Variants in CSMD2 observed in about 807,000 individuals in gnomAD.
The protein encoded by CSMD2 is CUB and sushi domain-containing protein 2.
Under a neutral mutation model 398.5 loss-of-function variants are expected in CSMD2, and 130 were observed. The observed-to-expected ratio is 0.33, with a 90% CI of 0.28 to 0.38. CSMD2 has a LOEUF of 0.38. Ranked by LOEUF, CSMD2 falls within the 10% of genes least tolerant of loss-of-function variation. The pLI, the probability that CSMD2 is intolerant of heterozygous loss-of-function variation, is 1.00. For synonymous variants in CSMD2, 1,828 were observed against 1,908.5 expected, an observed-to-expected ratio of 0.96 and a Z score of 1.10; for missense variants, 3,829 against 4,764.9, an observed-to-expected ratio of 0.80 and a Z score of 5.78.
intron 1 of CSMD2, among the ~76,000 whole-genome samples, chr1:34,117,395 A>G (rs1661714098): frequency 6.6e-6 from 1 of 152,128 alleles, no homozygotes; most frequent in Admixed American, 6.5e-5. Flanking sequence ...ATAACCTACC[A>G]AGACTGAATC....
At chr1:33,943,533 G>C (rs1236052773) in intron 3 of CSMD2, among the ~76,000 whole-genome samples, 1 of 152,186 alleles carries the variant, frequency 6.6e-6, no homozygotes, top group Non-Finnish European at 1.5e-5. Context: ...AAATAGGCAG[G>C]CTCCCTCTGT....
intron 3 of CSMD2, among the ~76,000 whole-genome samples, chr1:33,994,030 C>T (rs1436831925): frequency 3.3e-5 from 5 of 152,052 alleles, no homozygotes; most frequent in African/African-American, 1.2e-4. Context: ...GGCTTTTGCC[C>T]ATGGGTGGAG....
intron 3 of CSMD2, among the ~76,000 whole-genome samples, chr1:33,992,683 A>G (rs1193096001): frequency 1.3e-5 from 2 of 151,416 alleles, no homozygotes; most frequent in Admixed American, 6.6e-5. Context: ...CCTGGCTAGC[A>G]TGGTGAAACC....
rs556306141 is a variant in CSMD2 at position 33,834,170 on chromosome 1, C to G, written c.1034-8396G>C. On this transcript the variant is annotated intron_variant, in intron 6 of 70. Coordinates refer to ENST00000373381, the MANE Select transcript of CSMD2 (RefSeq NM_001281956.2). ...AACTACTTTAAAGTTCATATGGAAC[C>G]AAAAAAGAGCCCGCATCGCCAAATC... 9.8e-3 allele frequency among the ~76,000 whole-genome samples: 930 copies of G among 94,642 alleles called. 115 individuals are homozygous for G. The highest frequency in any genetic ancestry group is 0.048 in the African/African-American group (859 of 17,722). The allele number at this position is 94,642 out of a possible 152,430, so 62.1% of individuals were successfully genotyped here.
chr1:33,544,273 AT>A (rs34986232), intron 57 of CSMD2, among the ~76,000 whole-genome samples: 25,895 of 136,862 alleles, frequency 0.19, 2,399 homozygotes, highest in East Asian at 0.34. Context: ...CGACCGGCTA[AT>A]TTTTTTTTTT....
chr1:33,724,475 A>T (rs754069695), intron 18 of CSMD2, 41 bp downstream of exon 18: 1 of 1,594,370 alleles, frequency 6.3e-7, no homozygotes, highest in Non-Finnish European at 8.6e-7. Context: ...GTGGCAGGAG[A>T]GGAGTCTGCT....
chr1:33,952,700 ACATG>A (rs1558152379), intron 3 of CSMD2, among the ~76,000 whole-genome samples: 11 of 138,048 alleles, frequency 8.0e-5, no homozygotes, highest in African/African-American at 3.9e-4. Flanking sequence ...ACACACACAC[ACATG>A]CACACACACA....
rs544963998 is a variant in CSMD2 at position 33,533,088 on chromosome 1, G to T, written c.10133C>A (p.Ala3378Glu). The T allele has an allele frequency of 6.2e-7, 1 of 1,613,462 alleles. No individual in the cohort carries two copies. Among genetic ancestry groups the T allele is most frequent in the Admixed American group, 1.7e-5 (1 of 60,002 alleles). ...KGGSEHRTCK[A>E]DGSWTGKPPI... ...CGGCTTGCCTGTCCAGCTGCCATCC[G>T]CCTTGCAGGTGCGGTGCTCGGAGCC... Residue 3378 changes from alanine to glutamate, a missense_variant, in exon 64 of 71, where the codon GCG (alanine) becomes GAG (glutamate). By Grantham distance (107) the Ala-to-Glu change is moderately radical (BLOSUM62 -1). Coordinates refer to ENST00000373381, the MANE Select transcript of CSMD2 (RefSeq NM_001281956.2). This position sits in a 1 kb window ranked among gnomAD's most constrained non-coding sequence, Gnocchi z 4.2.
chr1:33,893,045 A>G (rs1288339156), intron 5 of CSMD2, among the ~76,000 whole-genome samples: 4 of 152,240 alleles, frequency 2.6e-5, no homozygotes, highest in African/African-American at 9.6e-5. Context: ...GTATCTGTAT[A>G]ATAAATTGAT....
At chr1:33,769,537 A>G (rs1650987254) in intron 13 of CSMD2, among the ~76,000 whole-genome samples, 1 of 152,184 alleles carries the variant, frequency 6.6e-6, no homozygotes, top group South Asian at 2.1e-4. Flanking sequence ...ACCTAAATTA[A>G]AAAAAGACTA....
intron 3 of CSMD2, among the ~76,000 whole-genome samples, chr1:33,990,133 A>T (rs1399911300): frequency 6.6e-6 from 1 of 152,012 alleles, no homozygotes; most frequent in Admixed American, 6.6e-5. Context: ...TTAGCCTGGC[A>T]TGGTGGCCTG....
At chr1:34,055,154 A>G (rs2148238620) in intron 2 of CSMD2, among the ~76,000 whole-genome samples, 1 of 152,200 alleles carries the variant, frequency 6.6e-6, no homozygotes, top group East Asian at 1.9e-4. Flanking sequence ...CCAAACAACA[A>G]TAACAATAAA....
chr1:33,807,526 G>A (rs1026121740), intron 10 of CSMD2, among the ~76,000 whole-genome samples: 1 of 152,154 alleles, frequency 6.6e-6, no homozygotes, highest in African/African-American at 2.4e-5. Flanking sequence ...ATACAAGAAG[G>A]AGTGGTAAAC....
chr1:33,807,400 A>T (rs1557926199), intron 10 of CSMD2, among the ~76,000 whole-genome samples: 1 of 152,214 alleles, frequency 6.6e-6, no homozygotes. Flanking sequence ...CTAAAATAAA[A>T]ATTGAAATTA....
chr1:33,632,255 A>G (rs1006104329), intron 32 of CSMD2, among the ~76,000 whole-genome samples: 4 of 152,134 alleles, frequency 2.6e-5, no homozygotes, highest in Non-Finnish European at 5.9e-5. Context: ...AGAAAACTAT[A>G]TAAGAAAACA....
intron 13 of CSMD2, among the ~76,000 whole-genome samples, chr1:33,748,203 T>G (rs1222857217): frequency 1.3e-5 from 2 of 152,242 alleles, no homozygotes; most frequent in East Asian, 3.8e-4. Flanking sequence ...ATCTAATCTT[T>G]CTTGCTCTGG....
chr1:33,523,668 T>G (rs1488334007), intron 66 of CSMD2, among the ~76,000 whole-genome samples: 2 of 152,212 alleles, frequency 1.3e-5, no homozygotes, highest in Non-Finnish European at 2.9e-5. Flanking sequence ...GGGTTGAGGT[T>G]GTGATGCTAT....
rs1313434764 is a variant in CSMD2 at position 33,701,190 on chromosome 1, C to A, written c.3577-517G>T. Among the ~76,000 whole-genome samples, 4 of 152,314 alleles carry A rather than the reference C, an allele frequency of 2.6e-5. No homozygotes were observed. The South Asian group carries it at 6.2e-4, about 24-fold the overall frequency. On this transcript the variant is annotated intron_variant, in intron 22 of 70. Transcript: ENST00000373381. ...TCTTGAGCACTCTGCTGGACATCAT[C>A]CCTGGGATCCAGACACCAGCATGTC... is the stretch of plus-strand genomic sequence containing the variant.
chr1:33,550,128 T>A (rs778583257), intron 56 of CSMD2, 49 bp downstream of exon 56: 1 of 1,574,002 alleles, frequency 6.4e-7, no homozygotes, highest in Non-Finnish European at 8.7e-7. Flanking sequence ...CTACCTCCCA[T>A]CAGTCAAGCA....
Sources: gnomAD v4.1 joint callset for allele counts (sites outside exome capture counted in the v4.1 genomes callset) on GRCh38, gnomAD v4.1.1 for gene constraint, Gnocchi (gnomAD v3.1) non-coding constraint, MANE v1.5 for transcripts, NCBI Gene and HGNC (gene_info 2026-07-23, HGNC 2026-07-21) for gene names.